The following ASB3 variants were observed in gnomAD, a reference collection of about 807,000 sequenced individuals.
ASB3 encodes ankyrin repeat and SOCS box containing 3, also known as ankyrin repeat and SOCS box protein 3.
In ASB3, 41 loss-of-function variants were observed where a neutral mutation model predicts 54.5. The observed-to-expected ratio is 0.75, with a 90% CI of 0.59 to 0.98. The LOEUF (loss-of-function observed/expected upper bound fraction) is 0.98, where lower values mean the gene tolerates loss of function less well. Among genes scored for constraint, ASB3 ranks in the 50% least tolerant of loss-of-function variants. ASB3 has a pLI of 0.00. For synonymous variants in ASB3, 266 were observed against 221.2 expected (o/e 1.20, Z -1.80); for missense variants, 733 against 620.0 (o/e 1.18, Z -1.94).
intron 2 of ASB3, among the ~76,000 whole-genome samples, chr2:53,765,168 A>C (rs1168961185): frequency 6.6e-6 from 1 of 152,232 alleles, no homozygotes; most frequent in Non-Finnish European, 1.5e-5. Context: ...AGACAGAGGC[A>C]CTTCCGTATA....
At chr2:53,769,912 C>T (rs1673776896) in intron 1 of ASB3, among the ~76,000 whole-genome samples, 1 of 152,182 alleles carries the variant, frequency 6.6e-6, no homozygotes, top group South Asian at 2.1e-4. Context: ...GCACTTAATA[C>T]CATACATCTT....
rs769216648 is a variant in ASB3 at position 53,729,521 on chromosome 2, T to C, written c.405A>G (p.Gly135=). 1.2e-6 allele frequency: 2 copies of C among 1,613,850 alleles called. No individual in the cohort carries two copies. The highest frequency in any genetic ancestry group is 1.3e-5 in the African/African-American group (1 of 74,922). The change falls in exon 4 of 10, where the codon GGA becomes GGG. Residue 135 remains glycine, a synonymous_variant. Coordinates refer to ENST00000263634, the MANE Select transcript of ASB3 (RefSeq NM_016115.5). ...IDVLRLLLQH[G]ANVNGSHSMC... The stretch of plus-strand genomic sequence containing the variant: ...TAGAATGGGATCCATTAACATTTGC[T>C]CCGTGTTGAAGCAACAGCCTTAACA...
chr2:53,757,398 C>T (rs1198818616), intron 2 of ASB3, among the ~76,000 whole-genome samples: 1 of 152,230 alleles, frequency 6.6e-6, no homozygotes, highest in African/African-American at 2.4e-5. Context: ...TCGTCCCGAA[C>T]TCCCGGCGTT....
rs765664874 is a variant in ASB3, at chr2:53,728,826, A to G, written c.490T>C (p.Leu164=). ...SFQENAEIIK[L]LLRKGANKEC... is the part of the protein sequence containing the mutation. ...TTGTTTGCTCCTTTTCTAAGAAGCA[A>G]TTTTATGATCTCAGCATTTTCCTAA... is the stretch of plus-strand genomic sequence containing the variant. The change falls in exon 5 of 10, where the codon TTG becomes CTG. Residue 164 remains leucine, a synonymous_variant. Coordinates refer to ENST00000263634, the MANE Select transcript of ASB3 (RefSeq NM_016115.5). 94 of 1,610,182 alleles carry G rather than the reference A, an allele frequency of 5.8e-5. No homozygotes were observed. The highest frequency in any genetic ancestry group is 7.6e-5 in the Non-Finnish European group (89 of 1,178,042).
intron 7 of ASB3, among the ~76,000 whole-genome samples, chr2:53,709,317 C>G (rs1669961247): frequency 6.6e-6 from 1 of 152,200 alleles, no homozygotes; most frequent in South Asian, 2.1e-4. Flanking sequence ...TCCACATGGT[C>G]ATGGTGTTAA....
Position 53,779,124 on chromosome 2 carries a change from C to T in ASB3, c.-14+7697G>A, listed in dbSNP as rs181820396. On this transcript the variant is annotated intron_variant, in intron 1 of 9. Transcript: ENST00000263634. ...TCATAGTGGTTTTAATTTGCATTTC[C>T]CTGATGATTAGTAATGTTGAACATT... 9.2e-5 allele frequency among the ~76,000 whole-genome samples: 14 copies of T among 152,228 alleles called. No homozygotes were observed. In the East Asian group the frequency reaches 2.7e-3, roughly 29 times the overall value.
rs150266855 is a variant in ASB3 at position 53,759,232 on chromosome 2, G to A, written c.196+6145C>T. On this transcript the variant is annotated intron_variant, in intron 2 of 9. Coordinates refer to ENST00000263634, the MANE Select transcript of ASB3 (RefSeq NM_016115.5). ...AAATCAGAACATGGAGATTGGTGCC[G>A]CAGACATTTGCTAACTTGCGTGCAA... Among the ~76,000 whole-genome samples the A allele has an allele frequency of 6.5e-3, 990 of 152,296 alleles. 11 individuals carry two copies. The highest frequency in any genetic ancestry group is 0.021 in the African/African-American group (870 of 41,566).
chr2:53,682,445 GATTA>G (rs1271992598), intron 9 of ASB3, among the ~76,000 whole-genome samples: 2 of 151,890 alleles, frequency 1.3e-5, no homozygotes, highest in East Asian at 1.9e-4. Flanking sequence ...TTGTAAATGA[GATTA>G]ATTTTTTATT....
At chr2:53,763,134 C>A (rs1673238332) in intron 2 of ASB3, among the ~76,000 whole-genome samples, 1 of 152,172 alleles carries the variant, frequency 6.6e-6, no homozygotes, top group Non-Finnish European at 1.5e-5. Context: ...GTAATCCCAG[C>A]ACTTTGGGAA....
At chr2:53,748,699 C>G (rs139351818) in intron 3 of ASB3, among the ~76,000 whole-genome samples, 50 of 152,086 alleles carry the variant, frequency 3.3e-4, no homozygotes, top group African/African-American at 1.1e-3. Context: ...GACCTGAACT[C>G]TTAAAAAAGT....
At chr2:53,737,619 C>T (rs1671712705) in intron 3 of ASB3, among the ~76,000 whole-genome samples, 1 of 150,376 alleles carries the variant, frequency 6.6e-6, no homozygotes, top group Non-Finnish European at 1.5e-5. Flanking sequence ...TGAGACCATA[C>T]TATTCCAAAA....
At chr2:53,754,128 G>C (rs1346032386) in intron 2 of ASB3, among the ~76,000 whole-genome samples, 1 of 152,140 alleles carries the variant, frequency 6.6e-6, no homozygotes, top group Non-Finnish European at 1.5e-5. Context: ...CACTCTGAAA[G>C]GGCATCCTAT....
chr2:53,772,478 G>A (rs1225812460), intron 1 of ASB3, among the ~76,000 whole-genome samples: 3 of 151,926 alleles, frequency 2.0e-5, no homozygotes, highest in South Asian at 2.1e-4. Flanking sequence ...CCAGCCGTGG[G>A]ATTTTTTTAA....
chr2:53,719,134 A>G (rs1670559012), intron 5 of ASB3, among the ~76,000 whole-genome samples: 1 of 152,144 alleles, frequency 6.6e-6, no homozygotes, highest in Non-Finnish European at 1.5e-5. Flanking sequence ...CATGTTGGCC[A>G]GGATGGTCTT....
intron 3 of ASB3, among the ~76,000 whole-genome samples, chr2:53,734,455 CA>C (rs1405827098): frequency 6.6e-6 from 1 of 152,192 alleles, no homozygotes. Context: ...TCAGTGATCC[CA>C]TTTTCCCACA....
intron 9 of ASB3, among the ~76,000 whole-genome samples, chr2:53,672,516 C>T (rs1667872169): frequency 6.6e-6 from 1 of 152,132 alleles, no homozygotes; most frequent in South Asian, 2.1e-4. Context: ...CTATGTTCAA[C>T]TATCAAGTAT....
At chr2:53,713,595 CTTAA>C (rs1670224669) in intron 7 of ASB3, among the ~76,000 whole-genome samples, 1 of 152,158 alleles carries the variant, frequency 6.6e-6, no homozygotes, top group Admixed American at 6.6e-5. Context: ...CGTTTAAAAA[CTTAA>C]TTATTTAGAC....
At chr2:53,679,795 T>C (rs550359721) in intron 9 of ASB3, among the ~76,000 whole-genome samples, 2 of 152,304 alleles carry the variant, frequency 1.3e-5, no homozygotes, top group African/African-American at 2.4e-5. Flanking sequence ...GTTCATTACG[T>C]AGATAAACTT....
intron 3 of ASB3, among the ~76,000 whole-genome samples, chr2:53,729,983 T>A (rs184779692): frequency 6.6e-6 from 1 of 152,304 alleles, no homozygotes; most frequent in Admixed American, 6.5e-5. Context: ...AAAGAGTAAC[T>A]GACAAAATGA....
Sources: allele counts gnomAD v4.1 joint callset (sites outside exome capture counted in the v4.1 genomes callset), GRCh38; gene constraint gnomAD v4.1.1; transcripts MANE v1.5; gene names NCBI Gene and HGNC (gene_info 2026-07-23, HGNC 2026-07-21).